Variants in MSRB1 observed in about 807,000 individuals in gnomAD.
MSRB1 encodes methionine sulfoxide reductase B1, also known as methionine-R-sulfoxide reductase B1.
In MSRB1, 13 loss-of-function variants were observed where a neutral mutation model predicts 15.2. The observed-to-expected ratio is 0.86, with a 90% CI of 0.56 to 1.36. MSRB1 has a LOEUF of 1.36. Ranked by LOEUF, MSRB1 falls within the 40% of genes most tolerant of loss-of-function variation. MSRB1 has a pLI of 0.00. For synonymous variants in MSRB1, 68 were observed against 64.5 expected (o/e 1.05, Z -0.26); for missense variants, 174 against 155.9 (o/e 1.12, Z -0.62).
At chr16:1,943,010 G>A in intron 1 of MSRB1, 92 bp downstream of exon 1, 1 of 1,506,782 alleles carries the variant, frequency 6.6e-7, no homozygotes, top group Non-Finnish European at 9.0e-7. Context: ...TTCCCGGCTT[G>A]GGAGAGACAT....
chr16:1,938,616 C>T lies in MSRB1; in HGVS notation c.*496G>A, dbSNP rs4987018. 5.4e-6 allele frequency: 1 copy of T among 185,326 alleles called. No homozygotes were observed. The highest frequency in any genetic ancestry group is 1.1e-5 in the Non-Finnish European group (1 of 87,138). The allele number at this position is 185,326 out of a possible 1,614,324, so 11.5% of individuals were successfully genotyped here. ...CTGGCCTGGAAGGGTTTGACCAGAGCGGATCATGCAGTGACCAGGGCCAGG... is the reference window on the plus strand; with the variant it reads ...CTGGCCTGGAAGGGTTTGACCAGAGTGGATCATGCAGTGACCAGGGCCAGG... On this transcript the variant is annotated 3_prime_UTR_variant, in exon 4 of 4. Transcript: ENST00000361871.
At chr16:1,939,664 T>A (rs1196940140) in intron 3 of MSRB1, among the ~76,000 whole-genome samples, 5 of 151,834 alleles carry the variant, frequency 3.3e-5, no homozygotes, top group Non-Finnish European at 7.4e-5. Context: ...ATAAAAATTT[T>A]AAAAATTGGC....
intron 2 of MSRB1, 97 bp downstream of exon 2, chr16:1,941,160 C>A (rs748861837): frequency 2.6e-6 from 4 of 1,568,486 alleles, no homozygotes; most frequent in Admixed American, 1.9e-5. Flanking sequence ...GCCTCTAAGC[C>A]CCTGGAGCTG....
chr16:1,940,715 G>C (rs920512270), intron 3 of MSRB1, 63 bp downstream of exon 3: 2 of 1,545,118 alleles, frequency 1.3e-6, no homozygotes, highest in African/African-American at 2.7e-5. Flanking sequence ...CACAAACACT[G>C]GGCCCCCCAG....
chr16:1,941,186 G>C, intron 2 of MSRB1, 71 bp downstream of exon 2: 1 of 1,593,802 alleles, frequency 6.3e-7, no homozygotes, highest in Non-Finnish European at 8.5e-7. Context: ...CAAGCAGAGG[G>C]AGGAAGGTGG....
intron 1 of MSRB1, 74 bp downstream of exon 1, chr16:1,943,028 G>C (rs1291307839): frequency 9.1e-6 from 14 of 1,535,638 alleles, no homozygotes; most frequent in Non-Finnish European, 1.2e-5. Context: ...CATCACCCCC[G>C]GACGACGGCG....
intron 1 of MSRB1, among the ~76,000 whole-genome samples, chr16:1,942,313 A>G (rs1232454188): frequency 6.6e-6 from 1 of 152,230 alleles, no homozygotes; most frequent in Non-Finnish European, 1.5e-5. Context: ...AACCCGCTAC[A>G]GGGGTGCCAC....
At position 1,938,983 on chromosome 16, in the gene MSRB1, AGT is replaced by A; in HGVS notation, c.*127_*128del. Reference sequence around the variant, plus strand: ...TCTTGTTCAGAGCCGGGGCCTTGGGAGTGTCCTGATGTTTCAACCACTGCGCC... The same window carrying A: ...TCTTGTTCAGAGCCGGGGCCTTGGGAGTCCTGATGTTTCAACCACTGCGCC... On this transcript the variant is annotated 3_prime_UTR_variant, in exon 4 of 4. Transcript: ENST00000361871. The A allele has an allele frequency of 8.4e-7, 1 of 1,187,326 alleles. No individual in the cohort carries two copies. 73.5% of individuals were successfully genotyped at this position (1,187,326 alleles called of 1,614,324 possible).
chr16:1,940,805 T>C lies in MSRB1; in HGVS notation c.292A>G (p.Ser98Gly). 2 of 1,613,958 alleles carry C rather than the reference T, an allele frequency of 1.2e-6. No individual in the cohort carries two copies. Among genetic ancestry groups the C allele is most frequent in the Non-Finnish European group, 1.7e-6 (2 of 1,179,910 alleles). Residue 98 changes from serine to glycine, a missense_variant, in exon 3 of 4, where the codon AGC becomes GGC. By Grantham distance (56) the Ser-to-Gly change is moderately conservative. Coordinates refer to ENST00000361871, the MANE Select transcript of MSRB1 (RefSeq NM_016332.4). ...KPGQSRFUIF[S>G]SSLKFVPKGK... ...TTAGGGACAAACTTCAGCGAGCTGC[T>C]GAATATTCAGAATCGGGACTGCCCC... is the stretch of plus-strand genomic sequence containing the variant.
In MSRB1 at chr16:1,941,388, T is replaced by C. The variant is rs1049579623; in HGVS notation, c.73A>G (p.Lys25Glu). 5 of 1,613,142 alleles carry C rather than the reference T, an allele frequency of 3.1e-6. No homozygotes were observed. Among genetic ancestry groups the C allele is most frequent in the Non-Finnish European group, 4.2e-6 (5 of 1,179,730 alleles). ...CTGGAGAACAGCTCATAGCCACACT[T>C]GGCACACACGTAAACGCCTGTGGTG... is the stretch of plus-strand genomic sequence containing the variant. ...HFEPGVYVCA[K>E]CGYELFSSRS... is the part of the protein sequence containing the mutation. The change falls in exon 2 of 4, where the codon AAG becomes GAG. Residue 25 changes from lysine to glutamate, a missense_variant. Physicochemically the swap from Lys to Glu is moderately conservative, Grantham distance 56. Transcript: ENST00000361871.
At chr16:1,939,279 T>G in intron 3 of MSRB1, 136 bp from the exon 4 acceptor site, 2 of 980,880 alleles carry the variant, frequency 2.0e-6, no homozygotes, top group Non-Finnish European at 2.9e-6. Flanking sequence ...TCAGGTGCCG[T>G]TCCCTGCGCT....
rs1393009065 is a variant in MSRB1 at position 1,940,908 on chromosome 16, G to C, written c.205-16C>G. ...CACAGGACACCTGGAAAGATCACAAGGCAGCTGGGTGAGCTTCTGGCCATG... is the reference window on the plus strand; with the variant it reads ...CACAGGACACCTGGAAAGATCACAACGCAGCTGGGTGAGCTTCTGGCCATG... On this transcript the variant is annotated splice_polypyrimidine_tract_variant and intron_variant, in intron 2 of 3. Transcript: ENST00000361871. 1 of 1,613,944 alleles carries C rather than the reference G, an allele frequency of 6.2e-7. No homozygotes were observed. The highest frequency in any genetic ancestry group is 1.3e-5 in the African/African-American group (1 of 74,936).
chr16:1,939,643 C>A (rs1050395921), intron 3 of MSRB1, among the ~76,000 whole-genome samples: 3 of 152,002 alleles, frequency 2.0e-5, no homozygotes, highest in African/African-American at 4.8e-5. Context: ...CATAGTGAGA[C>A]CCCCATCTCT....
At chr16:1,941,561 T>G in intron 1 of MSRB1, 156 bp from the exon 2 acceptor site, 1 of 1,009,790 alleles carries the variant, frequency 9.9e-7, no homozygotes, top group Non-Finnish European at 1.4e-6. Flanking sequence ...GGCGCTGTGC[T>G]GAGCTCACGT....
intron 1 of MSRB1, chr16:1,941,992 C>A: frequency 6.5e-6 from 1 of 153,226 alleles, no homozygotes; most frequent in Non-Finnish European, 1.5e-5. Context: ...AGCCTACCCA[C>A]AAAGGATCCC....
intron 1 of MSRB1, 148 bp downstream of exon 1, chr16:1,942,954 C>T (rs1422950674): frequency 2.6e-6 from 3 of 1,150,236 alleles, no homozygotes; most frequent in Non-Finnish European, 3.7e-6. Flanking sequence ...CTCCGCAGTC[C>T]TTTTGACCCC....
In MSRB1 at chr16:1,938,891, C is replaced by T. The variant is rs551631643; in HGVS notation, c.*221G>A. On this transcript the variant is annotated 3_prime_UTR_variant, in exon 4 of 4. Transcript: ENST00000361871. ...TCAGCCGACAGTGTGGCTGCACAGC[C>T]CAGGCCTGTCCCAGCAGAAGGCATG... 7.6e-5 allele frequency: 51 copies of T among 672,768 alleles called. No individual in the cohort carries two copies. The African/African-American group carries it at 8.5e-4, about 11-fold the overall frequency. The allele number at this position is 672,768 out of a possible 1,614,324, so 41.7% of individuals were successfully genotyped here. A position where few individuals can be genotyped will look rare whatever the true frequency, so the allele number is the denominator to read the frequency against.
intron 3 of MSRB1, among the ~76,000 whole-genome samples, 159 bp from the exon 4 acceptor site, chr16:1,939,302 C>T (rs1310608402): frequency 6.6e-6 from 1 of 152,186 alleles, no homozygotes; most frequent in African/African-American, 2.4e-5. Context: ...CACACTCTGC[C>T]CTGGCCTGCA....
intron 1 of MSRB1, 31 bp downstream of exon 1, chr16:1,943,071 T>C: frequency 6.5e-7 from 1 of 1,550,066 alleles, no homozygotes. Context: ...CCCGCCGCGC[T>C]GCCCTCCCAG....
Sources: gnomAD v4.1 joint callset for allele counts (sites outside exome capture counted in the v4.1 genomes callset) on GRCh38, gnomAD v4.1.1 for gene constraint, MANE v1.5 for transcripts, NCBI Gene and HGNC (gene_info 2026-07-23, HGNC 2026-07-21) for gene names.